ZNF639: variants seen among roughly 807,000 people sequenced by gnomAD.
The protein encoded by ZNF639 is zinc finger amplified in esophageal squamous cell carcinomas 1.
A neutral mutation model predicts 39.8 loss-of-function variants in ZNF639; 20 were observed. That is an observed-to-expected ratio of 0.50 (90% CI 0.35 to 0.73). ZNF639 has a LOEUF of 0.73. Among genes scored for constraint, ZNF639 ranks in the 30% least tolerant of loss-of-function variants. ZNF639 has a pLI of 0.00. For synonymous variants in ZNF639, 176 were observed against 189.8 expected (o/e 0.93, Z 0.60); for missense variants, 477 against 566.2 (o/e 0.84, Z 1.60).
chr3:179,332,674 C>G (rs1217264007), intron 4 of ZNF639, among the ~76,000 whole-genome samples: 1 of 152,178 alleles, frequency 6.6e-6, no homozygotes, highest in Non-Finnish European at 1.5e-5. Context: ...TTCAGTTTCC[C>G]CATGCTAACT....
chr3:179,324,394 T>G (rs1405964608), intron 1 of ZNF639, among the ~76,000 whole-genome samples: 1 of 151,908 alleles, frequency 6.6e-6, no homozygotes, highest in Admixed American at 6.5e-5. Context: ...ACGTGTTACA[T>G]ATGTCGTTTG....
chr3:179,324,834 C>G (rs1481123354), intron 1 of ZNF639: 1 of 152,152 alleles, frequency 6.6e-6, no homozygotes, highest in Non-Finnish European at 1.5e-5. Context: ...TTAACATGTT[C>G]GGCTGAGTGT....
chr3:179,337,911 T>G lies in ZNF639; in HGVS notation c.*3489T>G, dbSNP rs59745384. The G allele has an allele frequency of 0.036, 5,447 of 152,068 alleles. 344 individuals are homozygous for G. Among genetic ancestry groups the G allele is most frequent in the African/African-American group, 0.13 (5,187 of 41,338 alleles). 9.4% of individuals were successfully genotyped at this position (152,068 alleles called of 1,614,324 possible). A position where few individuals can be genotyped will look rare whatever the true frequency, so the allele number is the denominator to read the frequency against. ...GCCTCCCGAGTAGCTGGGATACAGG[T>G]GCCCACCACCACACCCAGCTAATTT... On this transcript the variant is annotated 3_prime_UTR_variant, in exon 6 of 6. Transcript: ENST00000496856.
At chr3:179,322,955 T>A (rs957539099), upstream of ZNF639, 29 of 984,822 alleles carry the variant, frequency 2.9e-5, no homozygotes, top group Non-Finnish European at 3.4e-5. Flanking sequence ...CCAGGCCGCG[T>A]GTGCGGTGCG....
intron 5 of ZNF639, 65 bp from the exon 6 acceptor site, chr3:179,333,204 G>A: frequency 3.9e-6 from 6 of 1,549,746 alleles, no homozygotes; most frequent in Non-Finnish European, 5.2e-6. Context: ...ATTTTTTTTT[G>A]CCCAGTTGTA....
At position 179,333,605 on chromosome 3, in the gene ZNF639, A is replaced by G. The variant is rs1728044888; in HGVS notation, c.641A>G (p.Lys214Arg). 2.5e-6 allele frequency: 4 copies of G among 1,614,146 alleles called. No individual in the cohort carries two copies. The highest frequency in any genetic ancestry group is 3.3e-4 in the Middle Eastern group (2 of 6,062). Residue 214 changes from lysine to arginine, a missense_variant, in exon 6 of 6, where the codon AAA becomes AGA. Lys to Arg is a conservative substitution (Grantham distance 26). Coordinates refer to ENST00000496856, the MANE Select transcript of ZNF639 (RefSeq NM_001303426.2). Reference protein sequence around the residue: ...YKCELCEFNSKYFSDLKQHMI... With the variant: ...YKCELCEFNSRYFSDLKQHMI... ...TGTGAACTTTGTGAGTTTAACAGCA[A>G]ATATTTTTCTGACTTAAAGCAGCAT...
rs957996074 is a variant in ZNF639, at chr3:179,333,966, C to G, written c.1002C>G (p.Ser334Arg). Residue 334 changes from serine (S) to arginine (R), a missense_variant, in exon 6 of 6, where the codon AGC becomes AGG. Coordinates refer to ENST00000496856, the MANE Select transcript of ZNF639 (RefSeq NM_001303426.2). ...HETNDPEDLH[S>R]HVVNEHACKL... ...CTAATGATCCAGAAGACTTGCATAG[C>G]CATGTGGTAAATGAGCATGCATGTA... 1 of 1,613,908 alleles carries G rather than the reference C, an allele frequency of 6.2e-7. No individual in the cohort carries two copies. Among genetic ancestry groups the G allele is most frequent in the African/African-American group, 1.3e-5 (1 of 74,900 alleles).
Position 179,334,235 on chromosome 3 carries a change from C to G in ZNF639, c.1271C>G (p.Ser424Ter). The change falls in exon 6 of 6, where the codon TCA becomes TGA. Residue 424 changes from serine (S) to a stop codon, truncating the protein, a stop_gained. Coordinates refer to ENST00000496856, the MANE Select transcript of ZNF639 (RefSeq NM_001303426.2). LOFTEE classifies it high-confidence loss of function. ...SMLEYCKHLN[S>*]HLSEGIYLCQ... The stretch of plus-strand genomic sequence containing the variant: ...CTAGAATATTGCAAGCATTTAAATT[C>G]ACATTTATCTGAAGGGATTTATTTA... The G allele has an allele frequency of 6.2e-7, 1 of 1,612,454 alleles. No individual in the cohort carries two copies. The highest frequency in any genetic ancestry group is 8.5e-7 in the Non-Finnish European group (1 of 1,179,136).
intron 4 of ZNF639, among the ~76,000 whole-genome samples, chr3:179,332,778 A>G (rs1041251576): frequency 6.6e-6 from 1 of 152,238 alleles, no homozygotes; most frequent in African/African-American, 2.4e-5. Context: ...AGTGTAATCT[A>G]GTCCAAATGG....
rs150781110 is a variant in ZNF639, at chr3:179,333,402, G to T, written c.438G>T (p.Ala146=). 2.1e-5 allele frequency: 34 copies of T among 1,613,928 alleles called. No homozygotes were observed. In the South Asian group the frequency reaches 3.6e-4, roughly 17 times the overall value. The change falls in exon 6 of 6, where the codon GCG becomes GCT. Residue 146 remains alanine (A), a synonymous_variant. Coordinates refer to ENST00000496856, the MANE Select transcript of ZNF639 (RefSeq NM_001303426.2). ...EDVPIAVEVH[A]ISEDYDIETE... ...TTCCAATTGCTGTAGAAGTGCATGC[G>T]ATTTCTGAGGATTATGATATAGAGA...
At position 179,334,379 on chromosome 3, in the gene ZNF639, A is replaced by AACCTTCC; in HGVS notation, c.1416_1417insCCTTCCA (p.Arg473ProfsTer13). On this transcript the variant is annotated frameshift_variant, in exon 6 of 6. Transcript: ENST00000496856. LOFTEE classifies it high-confidence loss of function. ...GACTGCTTGATGAGGTTTGGAAATG[A>AACCTTCC]AAGGGAATTAATAAGTCACCTTCCA... The AACCTTCC allele has an allele frequency of 6.3e-7, 1 of 1,583,482 alleles. No individual in the cohort carries two copies. Among genetic ancestry groups the AACCTTCC allele is most frequent in the Non-Finnish European group, 8.6e-7 (1 of 1,166,198 alleles).
upstream of ZNF639, chr3:179,322,979 C>T: frequency 1.0e-6 from 1 of 985,176 alleles, no homozygotes; most frequent in East Asian, 1.1e-4. Context: ...GCGCAGCCCG[C>T]TCCCTGCCCC....
chr3:179,326,246 G>A (rs1382439738), intron 1 of ZNF639, among the ~76,000 whole-genome samples: 1 of 151,936 alleles, frequency 6.6e-6, no homozygotes, highest in Non-Finnish European at 1.5e-5. Flanking sequence ...CCGTAATCCC[G>A]GCCACTCAGG....
At position 179,323,223 on chromosome 3, in the gene ZNF639, C is replaced by T; in HGVS notation, c.-151C>T. ...GTCCGCGGGAAGGACCGCGCGGCCC[C>T]TCCGCCTGCGCTCTCGGCCGCCGCC... On this transcript the variant is annotated 5_prime_UTR_variant, in exon 1 of 6. Transcript: ENST00000496856. 2.0e-6 allele frequency: 2 copies of T among 985,232 alleles called. No homozygotes were observed. Among genetic ancestry groups the T allele is most frequent in the Non-Finnish European group, 1.2e-6 (1 of 830,028 alleles). The allele number at this position is 985,232 out of a possible 1,614,324, so 61.0% of individuals were successfully genotyped here. A position where few individuals can be genotyped will look rare whatever the true frequency, so the allele number is the denominator to read the frequency against.
In ZNF639 at chr3:179,333,035, A is replaced by G; in HGVS notation, c.216A>G (p.Ala72=). The G allele has an allele frequency of 1.3e-6, 2 of 1,561,420 alleles. No individual in the cohort carries two copies. The highest frequency in any genetic ancestry group is 1.7e-6 in the Non-Finnish European group (2 of 1,151,554). Reference sequence around the variant, plus strand: ...CGTCAAATGACTTGCCAAAATTTGCAGATGGAATCAAGGCCAGAAACAGAA... The same window carrying G: ...CGTCAAATGACTTGCCAAAATTTGCGGATGGAATCAAGGCCAGAAACAGAA... ...TETSNDLPKF[A]DGIKARNRNQ... The change falls in exon 5 of 6, where the codon GCA becomes GCG. Residue 72 remains alanine, a synonymous_variant. Transcript: ENST00000496856.
At position 179,328,282 on chromosome 3, in the gene ZNF639, G is replaced by T; in HGVS notation, c.-11-1G>T. The T allele has an allele frequency of 6.5e-7, 1 of 1,530,072 alleles. No individual in the cohort carries two copies. 94.8% of individuals were successfully genotyped at this position (1,530,072 alleles called of 1,614,324 possible). On this transcript the variant is annotated splice_acceptor_variant, in intron 2 of 5. Coordinates refer to ENST00000496856, the MANE Select transcript of ZNF639 (RefSeq NM_001303426.2). LOFTEE classifies it low-confidence loss of function (5UTR_SPLICE). ...TTTGTTAATTTTTTCTCGTTTTTTAGATTGAAAAGATATGAATGAGTATCC... is the reference window on the plus strand; with the variant it reads ...TTTGTTAATTTTTTCTCGTTTTTTATATTGAAAAGATATGAATGAGTATCC...
upstream of ZNF639, chr3:179,323,011 C>T: frequency 2.0e-6 from 2 of 985,252 alleles, no homozygotes; most frequent in Non-Finnish European, 2.4e-6. Flanking sequence ...GTCACCTCCC[C>T]GCCCTCTCGG....
chr3:179,334,618 C>T lies in ZNF639; in HGVS notation c.*196C>T, dbSNP rs76504646. 477 of 338,782 alleles carry T rather than the reference C, an allele frequency of 1.4e-3. 6 individuals carry two copies. In the East Asian group the frequency reaches 0.021, roughly 15 times the overall value. 21.0% of individuals were successfully genotyped at this position (338,782 alleles called of 1,614,324 possible). On this transcript the variant is annotated 3_prime_UTR_variant, in exon 6 of 6. Coordinates refer to ENST00000496856, the MANE Select transcript of ZNF639 (RefSeq NM_001303426.2). ...ATCTTTAATGTGGTATTTTCAATTGCGTGATAGTTTGTAGTTTCAACCACT... is the reference window on the plus strand; with the variant it reads ...ATCTTTAATGTGGTATTTTCAATTGTGTGATAGTTTGTAGTTTCAACCACT...
In ZNF639 at chr3:179,323,128, A is replaced by G. The variant is rs1372832417; in HGVS notation, c.-246A>G. The stretch of plus-strand genomic sequence containing the variant: ...CGCTCAGGGCGTGGGGCGCGCGGGG[A>G]GGGAGAGGGGTCGGCCCAGCACAGC... On this transcript the variant is annotated 5_prime_UTR_variant, in exon 1 of 6. Transcript: ENST00000496856. 8 of 984,060 alleles carry G rather than the reference A, an allele frequency of 8.1e-6. No homozygotes were observed. Among genetic ancestry groups the G allele is most frequent in the Non-Finnish European group, 2.4e-6 (2 of 829,694 alleles). The allele number at this position is 984,060 out of a possible 1,614,324, so 61.0% of individuals were successfully genotyped here.
Sources: allele counts gnomAD v4.1 joint callset (sites outside exome capture counted in the v4.1 genomes callset), GRCh38; gene constraint gnomAD v4.1.1; transcripts MANE v1.5; gene names NCBI Gene and HGNC (gene_info 2026-07-23, HGNC 2026-07-21).